The following BCAS3 variants were observed in gnomAD, a reference collection of about 807,000 sequenced individuals.
BCAS3 encodes the protein BCAS3 microtubule associated cell migration factor, also known as BCAS4/BCAS3 fusion.
A neutral mutation model predicts 116.1 loss-of-function variants in BCAS3; 53 were observed. The observed-to-expected ratio is 0.46, with a 90% CI of 0.37 to 0.57. BCAS3 has a LOEUF of 0.57. Ranked by LOEUF, BCAS3 falls within the 20% of genes least tolerant of loss-of-function variation. The pLI is 0.00. For synonymous variants in BCAS3, 391 were observed against 408.2 expected, an observed-to-expected ratio of 0.96 and a Z score of 0.51; for missense variants, 917 against 1,165.4, an observed-to-expected ratio of 0.79 and a Z score of 3.10.
At chr17:61,303,769 T>C (rs934818058) in intron 22 of BCAS3, among the ~76,000 whole-genome samples, 4 of 152,200 alleles carry the variant, frequency 2.6e-5, no homozygotes, top group Non-Finnish European at 5.9e-5. Context: ...TACTGTGGTT[T>C]TCTGCTTACA....
intron 6 of BCAS3, among the ~76,000 whole-genome samples, chr17:60,780,241 G>A (rs2045694082): frequency 6.6e-6 from 1 of 150,782 alleles, no homozygotes; most frequent in African/African-American, 2.4e-5. Context: ...GCCCACCTCG[G>A]CCTGCCAAAG....
intron 6 of BCAS3, 49 bp downstream of exon 6, chr17:60,747,328 T>C (rs1313616890): frequency 6.7e-7 from 1 of 1,485,210 alleles, no homozygotes; most frequent in Non-Finnish European, 9.4e-7. Flanking sequence ...AGTTTCTCTT[T>C]TGTTGGTCTT....
intron 22 of BCAS3, among the ~76,000 whole-genome samples, chr17:61,291,281 A>G (rs2052387266): frequency 6.6e-6 from 1 of 152,232 alleles, no homozygotes; most frequent in Non-Finnish European, 1.5e-5. Context: ...TCTTAAAAGG[A>G]AATATTTAAA....
intron 7 of BCAS3, among the ~76,000 whole-genome samples, chr17:60,815,307 G>A (rs1459714686): frequency 6.6e-6 from 1 of 152,104 alleles, no homozygotes; most frequent in Non-Finnish European, 1.5e-5. Flanking sequence ...GGTTGGGGGA[G>A]GGGAGAGGAA....
intron 22 of BCAS3, among the ~76,000 whole-genome samples, chr17:61,116,674 C>T (rs898273102): frequency 2.0e-5 from 3 of 152,128 alleles, no homozygotes; most frequent in Non-Finnish European, 4.4e-5. Flanking sequence ...TAGAGTAAGT[C>T]CACTGGCAAC....
chr17:61,194,283 A>G (rs998066136), intron 22 of BCAS3, among the ~76,000 whole-genome samples: 7 of 152,242 alleles, frequency 4.6e-5, no homozygotes, highest in Non-Finnish European at 8.8e-5. Context: ...ACAGAGAAAG[A>G]AAACATGGCC....
At chr17:61,036,782 T>G (rs1262114730) in intron 17 of BCAS3, among the ~76,000 whole-genome samples, 1 of 152,248 alleles carries the variant, frequency 6.6e-6, no homozygotes, top group Non-Finnish European at 1.5e-5. Flanking sequence ...TAGATCCATA[T>G]TCAGCACCTA....
intron 5 of BCAS3, among the ~76,000 whole-genome samples, chr17:60,726,367 A>C (rs1216218190): frequency 7.0e-6 from 1 of 143,806 alleles, no homozygotes; most frequent in Non-Finnish European, 1.5e-5. Context: ...CTCTTGGCTA[A>C]TTTTGTATTT....
At chr17:60,782,494 A>G (rs946505458) in intron 6 of BCAS3, among the ~76,000 whole-genome samples, 2 of 151,654 alleles carry the variant, frequency 1.3e-5, no homozygotes, top group Non-Finnish European at 2.9e-5. Context: ...TGCCCTTTCT[A>G]TTTTCTATGT....
rs371282735 is a variant in BCAS3 at position 61,152,253 on chromosome 17, T to C, written c.2425+67689T>C. Among the ~76,000 whole-genome samples, 3 of 152,170 alleles carry C rather than the reference T, an allele frequency of 2.0e-5. No homozygotes were observed. The East Asian group carries it at 5.8e-4, about 29-fold the overall frequency. The stretch of plus-strand genomic sequence containing the variant: ...TTATTCCCTTATTTGTCCCCTCCCA[T>C]GTTCTGTTTTTGTCCTATCAGAGTG... On this transcript the variant is annotated intron_variant, in intron 22 of 23. Transcript: ENST00000407086.
chr17:61,169,122 T>C (rs1406781091), intron 22 of BCAS3, among the ~76,000 whole-genome samples: 1 of 152,220 alleles, frequency 6.6e-6, no homozygotes, highest in Admixed American at 6.5e-5. Flanking sequence ...TTCATATTAT[T>C]AAGGTCTCAC....
chr17:61,276,374 C>CAAAA lies in BCAS3; in HGVS notation c.2426-91951_2426-91948dup, dbSNP rs967928556. ...TCTCAAAAACAAACAAACAAACAAACAAAAATCACTTGTGTTTCTATACAG... is the reference window on the plus strand; with the variant it reads ...TCTCAAAAACAAACAAACAAACAAACAAAAAAAAATCACTTGTGTTTCTATACAG... On this transcript the variant is annotated intron_variant, in intron 22 of 23. Transcript: ENST00000407086. This position sits in a 1 kb window ranked among gnomAD's most constrained non-coding sequence, Gnocchi z 4.2. Among the ~76,000 whole-genome samples, 1 of 151,748 alleles carries CAAAA rather than the reference C, an allele frequency of 6.6e-6. No homozygotes were observed. Among genetic ancestry groups the CAAAA allele is most frequent in the Non-Finnish European group, 1.5e-5 (1 of 67,934 alleles).
At position 61,095,340 on chromosome 17, in the gene BCAS3, A is replaced by G. The variant is rs1344522323; in HGVS notation, c.2425+10776A>G. Among the ~76,000 whole-genome samples, 1 of 152,214 alleles carries G rather than the reference A, an allele frequency of 6.6e-6. No homozygotes were observed. The highest frequency in any genetic ancestry group is 6.5e-5 in the Admixed American group (1 of 15,280). ...TAGAAAATATTTTTATATAGAATGT[A>G]ATTGATATTTCTACATAGAGGCTTT... On this transcript the variant is annotated intron_variant, in intron 22 of 23. Coordinates refer to ENST00000407086, the MANE Select transcript of BCAS3 (RefSeq NM_017679.5). This position sits in a 1 kb window ranked among gnomAD's most constrained non-coding sequence, Gnocchi z 4.7.
In BCAS3 at chr17:61,282,033, A is replaced by G. The variant is rs1456576137; in HGVS notation, c.2426-86294A>G. Among the ~76,000 whole-genome samples the G allele has an allele frequency of 2.0e-5, 3 of 152,236 alleles. No individual in the cohort carries two copies. Among genetic ancestry groups the G allele is most frequent in the Non-Finnish European group, 4.4e-5 (3 of 68,042 alleles). On this transcript the variant is annotated intron_variant, in intron 22 of 23. Transcript: ENST00000407086. This position sits in a 1 kb window ranked among gnomAD's most constrained non-coding sequence, Gnocchi z 5.9. ...TTGGATTCAGAAGACCTCATTGACA[A>G]CTAACTATAACACATTCAAACTAGT...
rs764116908 is a variant in BCAS3, at chr17:60,924,501, G to GT, written c.1087+2dup. 6.3e-7 allele frequency: 1 copy of GT among 1,591,580 alleles called. No homozygotes were observed. The highest frequency in any genetic ancestry group is 1.1e-5 in the South Asian group (1 of 89,772). On this transcript the variant is annotated splice_donor_variant, in intron 13 of 23. Transcript: ENST00000407086. LOFTEE classifies it high-confidence loss of function. ...TGCTGCATGGCTTTTAATACAAGTG[G>GT]TAAGTTCGCTCTCTGTCTTTTTTTT... is the stretch of plus-strand genomic sequence containing the variant.
chr17:61,153,988 A>G lies in BCAS3; in HGVS notation c.2425+69424A>G, dbSNP rs551524167. Among the ~76,000 whole-genome samples the G allele has an allele frequency of 3.0e-4, 45 of 152,330 alleles. 1 individual carries two copies. The highest frequency in any genetic ancestry group is 1.1e-3 in the African/African-American group (44 of 41,560). ...GTTTTGGTATCCTTTCACTGTTGCTAAAGAAATTAAGAGGATGGAGAAAAC... is the reference window on the plus strand; with the variant it reads ...GTTTTGGTATCCTTTCACTGTTGCTGAAGAAATTAAGAGGATGGAGAAAAC... On this transcript the variant is annotated intron_variant, in intron 22 of 23. Coordinates refer to ENST00000407086, the MANE Select transcript of BCAS3 (RefSeq NM_017679.5).
At chr17:61,074,862 G>A (rs1223050054) in intron 19 of BCAS3, 58 bp from the exon 20 acceptor site, 25 of 1,195,172 alleles carry the variant, frequency 2.1e-5, no homozygotes, top group Middle Eastern at 2.2e-4. Context: ...TTGTGCCCAC[G>A]TCTGTTTTTC....
intron 7 of BCAS3, among the ~76,000 whole-genome samples, chr17:60,838,637 A>G (rs2051590883): frequency 6.6e-6 from 1 of 152,212 alleles, no homozygotes; most frequent in Non-Finnish European, 1.5e-5. Context: ...ACTATAGACA[A>G]TAAAGAAATG....
chr17:61,310,519 A>C (rs2054212030), intron 22 of BCAS3, among the ~76,000 whole-genome samples: 1 of 150,148 alleles, frequency 6.7e-6, no homozygotes. Context: ...GTGCCATTGC[A>C]CTCTAGCCTG....
Sources: allele counts gnomAD v4.1 joint callset (sites outside exome capture counted in the v4.1 genomes callset), GRCh38; gene constraint gnomAD v4.1.1; non-coding constraint Gnocchi (gnomAD v3.1); transcripts MANE v1.5; gene names NCBI Gene and HGNC (gene_info 2026-07-23, HGNC 2026-07-21).